Variants in DAG1 observed in about 807,000 individuals in gnomAD.
DAG1 encodes dystroglycan 1, also known as dystroglycan 1 (dystrophin-associated glycoprotein 1).
DAG1 carries 8 observed loss-of-function variants against 46.1 expected under a neutral mutation model. The ratio of observed to expected loss-of-function variants is 0.17; its 90% CI spans 0.10 to 0.31. DAG1 has a LOEUF of 0.31. Ranked by LOEUF, DAG1 falls within the 10% of genes least tolerant of loss-of-function variation. DAG1 has a pLI of 1.00. For missense variants in DAG1, 1,003 were observed against 1,189.9 expected (o/e 0.84, Z 2.31); for synonymous variants, 495 against 481.8 (o/e 1.03, Z -0.36).
At chr3:49,474,369 G>A (rs541249869) in intron 1 of DAG1, among the ~76,000 whole-genome samples, 1 of 150,254 alleles carries the variant, frequency 6.7e-6, no homozygotes, top group Middle Eastern at 3.7e-3. Context: ...TTTTTGAGGT[G>A]GAGTTTCGCT....
intron 2 of DAG1, among the ~76,000 whole-genome samples, chr3:49,513,543 G>T (rs1559566436): frequency 6.6e-6 from 1 of 152,052 alleles, no homozygotes; most frequent in South Asian, 2.1e-4. Context: ...GTGAGTCTGT[G>T]CCCTTTTCCC....
At position 49,531,768 on chromosome 3, in the gene DAG1, T is replaced by G; in HGVS notation, c.1257T>G (p.Pro419=). 1 of 1,612,464 alleles carries G rather than the reference T, an allele frequency of 6.2e-7. No individual in the cohort carries two copies. Among genetic ancestry groups the G allele is most frequent in the Non-Finnish European group, 8.5e-7 (1 of 1,179,620 alleles). The stretch of plus-strand genomic sequence containing the variant: ...TGGAGCCTACTGCAGTTGCTACCCC[T>G]CCCACAACCACCACCAAGAAGCCAC... ...GYVEPTAVAT[P]PTTTTKKPRV... The change falls in exon 3 of 3, where the codon CCT becomes CCG. Residue 419 remains proline (P), a synonymous_variant. Transcript: ENST00000308775. The surrounding 1 kb of genome is among the most constrained non-coding windows in gnomAD (Gnocchi z 7.0).
chr3:49,482,895 A>G (rs2049924616), intron 1 of DAG1, among the ~76,000 whole-genome samples: 1 of 152,084 alleles, frequency 6.6e-6, no homozygotes, highest in South Asian at 2.1e-4. Context: ...AGATTTACTT[A>G]AGATTCCCAA....
intron 2 of DAG1, among the ~76,000 whole-genome samples, chr3:49,518,694 A>T (rs965508465): frequency 6.6e-6 from 1 of 152,156 alleles, no homozygotes; most frequent in Non-Finnish European, 1.5e-5. Flanking sequence ...TGCTTAACCA[A>T]TGCTGTTCTC....
intron 1 of DAG1, among the ~76,000 whole-genome samples, chr3:49,497,018 G>A (rs2050331463): frequency 2.0e-5 from 3 of 151,654 alleles, no homozygotes; most frequent in Admixed American, 6.6e-5. Context: ...TTTTTTTAGG[G>A]GCTGGCTGTA....
At chr3:49,486,319 C>T (rs931174472) in intron 1 of DAG1, among the ~76,000 whole-genome samples, 7 of 148,326 alleles carry the variant, frequency 4.7e-5, no homozygotes, top group Non-Finnish European at 9.0e-5. Context: ...CCCAGGTTCA[C>T]GCCATTCTCC....
intron 1 of DAG1, among the ~76,000 whole-genome samples, chr3:49,504,222 T>C (rs1012339806): frequency 3.3e-5 from 5 of 152,004 alleles, no homozygotes; most frequent in African/African-American, 1.2e-4. Context: ...AAGAATGTTA[T>C]AAAAATGAAA....
Position 49,535,197 on chromosome 3 carries a change from G to C in DAG1, c.*1998G>C, listed in dbSNP as rs2051478482. Reference sequence around the variant, plus strand: ...GCCCCAGAGACAGGAGCACAAGTGGGATCTGACCTGGTGAGATTATTTCTG... The same window carrying C: ...GCCCCAGAGACAGGAGCACAAGTGGCATCTGACCTGGTGAGATTATTTCTG... On this transcript the variant is annotated 3_prime_UTR_variant, in exon 3 of 3. Transcript: ENST00000308775. 1 of 152,294 alleles carries C rather than the reference G, an allele frequency of 6.6e-6. No individual in the cohort carries two copies. The highest frequency in any genetic ancestry group is 1.5e-5 in the Non-Finnish European group (1 of 68,046). The allele number at this position is 152,294 out of a possible 1,614,324, so 9.4% of individuals were successfully genotyped here.
At chr3:49,527,850 A>G (rs567882531) in intron 2 of DAG1, among the ~76,000 whole-genome samples, 9 of 152,058 alleles carry the variant, frequency 5.9e-5, no homozygotes, top group South Asian at 4.2e-4. Context: ...GTCCCTCTCA[A>G]CCTTGTTCAG....
At chr3:49,492,034 C>A (rs1232121408) in intron 1 of DAG1, among the ~76,000 whole-genome samples, 1 of 151,834 alleles carries the variant, frequency 6.6e-6, no homozygotes, top group Non-Finnish European at 1.5e-5. Context: ...TCAAGCAATT[C>A]TTCTGCCTCA....
intron 1 of DAG1, among the ~76,000 whole-genome samples, chr3:49,507,589 T>A (rs1024345454): frequency 1.3e-5 from 2 of 152,052 alleles, no homozygotes; most frequent in African/African-American, 4.8e-5. Context: ...TAAAAAAAAA[T>A]TACAAATTCA....
rs142579425 is a variant in DAG1, at chr3:49,532,212, C to T, written c.1701C>T (p.Ser567=). 1,327 of 1,614,118 alleles carry T rather than the reference C, an allele frequency of 8.2e-4. 15 individuals are homozygous for T. In the African/African-American group the frequency reaches 0.015, roughly 18 times the overall value. Residue 567 remains serine (S), a synonymous_variant, in exon 3 of 3, where the codon AGC becomes AGT. Coordinates refer to ENST00000308775, the MANE Select transcript of DAG1 (RefSeq NM_004393.6). This position sits in a 1 kb window ranked among gnomAD's most constrained non-coding sequence, Gnocchi z 5.4. ...NSQLMYGLPD[S]SHVGKHEYFM... ...AGCTCATGTATGGCCTTCCCGACAG[C>T]AGCCACGTGGGCAAACACGAGTATT...
At chr3:49,500,001 A>G (rs1341159354) in intron 1 of DAG1, among the ~76,000 whole-genome samples, 1 of 150,024 alleles carries the variant, frequency 6.7e-6, no homozygotes, top group Admixed American at 6.6e-5. Flanking sequence ...TTGAGACAGA[A>G]TCTTGCTCTG....
chr3:49,483,659 A>G (rs2049942965), intron 1 of DAG1, among the ~76,000 whole-genome samples: 1 of 149,192 alleles, frequency 6.7e-6, no homozygotes, highest in South Asian at 2.1e-4. Flanking sequence ...TATGTGAGGT[A>G]TGATTGAAGA....
chr3:49,533,351 C>G lies in DAG1; in HGVS notation c.*152C>G. The G allele has an allele frequency of 8.7e-7, 1 of 1,155,330 alleles. No individual in the cohort carries two copies. Among genetic ancestry groups the G allele is most frequent in the Non-Finnish European group, 1.3e-6 (1 of 799,358 alleles). 71.6% of individuals were successfully genotyped at this position (1,155,330 alleles called of 1,614,324 possible). On this transcript the variant is annotated 3_prime_UTR_variant, in exon 3 of 3. Coordinates refer to ENST00000308775, the MANE Select transcript of DAG1 (RefSeq NM_004393.6). ...ACACAGGGGCCTGGACAAGCCCGCC[C>G]TCTCTGGTCCTCCCAAACCCCAAAG...
intron 2 of DAG1, among the ~76,000 whole-genome samples, chr3:49,527,718 C>T (rs1203082098): frequency 1.3e-5 from 2 of 152,032 alleles, no homozygotes; most frequent in Non-Finnish European, 2.9e-5. Flanking sequence ...AAAAAGTGCC[C>T]TTGTATAGTT....
In DAG1 at chr3:49,531,452, T is replaced by A. The variant is rs1201828424; in HGVS notation, c.941T>A (p.Ile314Asn). Residue 314 changes from isoleucine to asparagine, a missense_variant, in exon 3 of 3, where the codon ATC becomes AAC. Physicochemically the swap from Ile to Asn is moderately radical, Grantham distance 149 (BLOSUM62 -3). This residue lies in a region of DAG1 where 755 missense variants were observed against 854.1 expected (regional missense o/e 0.88). Coordinates refer to ENST00000308775, the MANE Select transcript of DAG1 (RefSeq NM_004393.6). The surrounding 1 kb of genome is among the most constrained non-coding windows in gnomAD (Gnocchi z 7.0). ...CTTCCCAAACGCGTCCGGAGGCAGA[T>A]CCATGCTACACCCACACCTGTCACT... ...PPLPKRVRRQ[I>N]HATPTPVTAI... 1.2e-6 allele frequency: 2 copies of A among 1,613,482 alleles called. No individual in the cohort carries two copies. The highest frequency in any genetic ancestry group is 1.7e-6 in the Non-Finnish European group (2 of 1,179,880).
At chr3:49,517,860 C>T (rs542594350) in intron 2 of DAG1, among the ~76,000 whole-genome samples, 29 of 152,276 alleles carry the variant, frequency 1.9e-4, no homozygotes, top group South Asian at 2.1e-4. Flanking sequence ...GGAGCAACAA[C>T]GGTAAGACAT....
upstream of DAG1, chr3:49,470,053 T>G (rs1376931378): frequency 3.3e-5 from 5 of 150,698 alleles, no homozygotes; most frequent in Admixed American, 6.6e-5. Context: ...GGCGGGGGAG[T>G]GGCTAGCCAA....
Sources: gnomAD v4.1 joint callset for allele counts (sites outside exome capture counted in the v4.1 genomes callset) on GRCh38, gnomAD v4.1.1 for gene constraint, gnomAD v4.1.1 regional missense constraint, Gnocchi (gnomAD v3.1) non-coding constraint, MANE v1.5 for transcripts, NCBI Gene and HGNC (gene_info 2026-07-23, HGNC 2026-07-21) for gene names.